Variants in CCDC42 observed in about 807,000 individuals in gnomAD.
The protein encoded by CCDC42 is coiled-coil domain containing 42.
Under a neutral mutation model 40.8 loss-of-function variants are expected in CCDC42, and 38 were observed. That is an observed-to-expected ratio of 0.93 (90% CI 0.72 to 1.22). The LOEUF (loss-of-function observed/expected upper bound fraction) is 1.22. Ranked by LOEUF, CCDC42 falls within the 50% of genes most tolerant of loss-of-function variation. The probability of loss-of-function intolerance (pLI) is 0.00; values close to 1 mark genes in which losing one functional copy is unlikely to be tolerated. For missense variants in CCDC42, 379 were observed against 416.5 expected (o/e 0.91, Z 0.78); for synonymous variants, 135 against 157.5 (o/e 0.86, Z 1.07).
At chr17:8,740,193 G>A (rs2086633464) in intron 4 of CCDC42, among the ~76,000 whole-genome samples, 1 of 152,052 alleles carries the variant, frequency 6.6e-6, no homozygotes, top group South Asian at 2.1e-4. Flanking sequence ...GGGAGGCCCT[G>A]GACATTGCTA....
Position 8,740,643 on chromosome 17 carries a change from C to T in CCDC42, c.492+831G>A, listed in dbSNP as rs2086637417. ...GAGGGAGGTGCCACTGAGTTGAGGGCAGAGGGGGGTTTCCGGGAGGGGCAT... is the reference window on the plus strand; with the variant it reads ...GAGGGAGGTGCCACTGAGTTGAGGGTAGAGGGGGGTTTCCGGGAGGGGCAT... On this transcript the variant is annotated intron_variant, in intron 4 of 6. Transcript: ENST00000293845. Among the ~76,000 whole-genome samples the T allele has an allele frequency of 2.0e-5, 3 of 152,018 alleles. No individual in the cohort carries two copies. The East Asian group carries it at 5.8e-4, about 29-fold the overall frequency.
chr17:8,741,268 C>T (rs1199156706), intron 4 of CCDC42, among the ~76,000 whole-genome samples: 1 of 152,246 alleles, frequency 6.6e-6, no homozygotes, highest in African/African-American at 2.4e-5. Flanking sequence ...TCACCAGAGG[C>T]TTCTTTTAGC....
intron 4 of CCDC42, among the ~76,000 whole-genome samples, chr17:8,739,237 T>C (rs1352435151): frequency 1.3e-5 from 2 of 152,082 alleles, no homozygotes; most frequent in Non-Finnish European, 2.9e-5. Context: ...ATTCCAGAAA[T>C]ACTTCCAAGG....
Position 8,735,674 on chromosome 17 carries a change from C to A in CCDC42, c.493-63G>T. 1.4e-6 allele frequency: 2 copies of A among 1,404,342 alleles called. No homozygotes were observed. The highest frequency in any genetic ancestry group is 1.3e-5 in the South Asian group (1 of 77,396). The allele number at this position is 1,404,342 out of a possible 1,614,324, so 87.0% of individuals were successfully genotyped here. The stretch of plus-strand genomic sequence containing the variant: ...CTGGGGCCTGAGGGAGCCACCCAGT[C>A]CTGCCAACCTCCAGCCTGGATGCCT... On this transcript the variant is annotated intron_variant, in intron 4 of 6. Coordinates refer to ENST00000293845, the MANE Select transcript of CCDC42 (RefSeq NM_144681.3). This position sits in a 1 kb window ranked among gnomAD's most constrained non-coding sequence, Gnocchi z 4.7.
chr17:8,730,246 A>G (rs1203768495), intron 6 of CCDC42, 39 bp from the exon 7 acceptor site: 3 of 1,513,206 alleles, frequency 2.0e-6, no homozygotes, highest in Non-Finnish European at 2.7e-6. Context: ...TCCGCCCCCC[A>G]GAGGCCTCCC....
At chr17:8,736,004 G>A (rs1295908282) in intron 4 of CCDC42, among the ~76,000 whole-genome samples, 1 of 152,204 alleles carries the variant, frequency 6.6e-6, no homozygotes, top group Non-Finnish European at 1.5e-5. Context: ...TCTAGGCACA[G>A]CCAGGGTTGA....
intron 4 of CCDC42, among the ~76,000 whole-genome samples, chr17:8,736,562 A>G (rs1443991882): frequency 6.6e-6 from 1 of 152,162 alleles, no homozygotes; most frequent in East Asian, 1.9e-4. Context: ...CCCAGGGGAA[A>G]CTTCCCGAGC....
At chr17:8,732,178 A>G (rs2086584864) in intron 6 of CCDC42, among the ~76,000 whole-genome samples, 1 of 151,572 alleles carries the variant, frequency 6.6e-6, no homozygotes, top group Admixed American at 6.6e-5. Flanking sequence ...GGGCGCCTGT[A>G]GTCCCAGCTA....
At chr17:8,741,334 C>T in intron 4 of CCDC42, 140 bp downstream of exon 4, 4 of 835,648 alleles carry the variant, frequency 4.8e-6, no homozygotes, top group Non-Finnish European at 7.7e-6. Context: ...GGTGCCCATC[C>T]TGCAGAGCTC....
chr17:8,738,011 G>GC (rs536331059), intron 4 of CCDC42, among the ~76,000 whole-genome samples: 21 of 60,218 alleles, frequency 3.5e-4, no homozygotes, highest in Middle Eastern at 9.4e-3. Flanking sequence ...TTGCAGATTT[G>GC]GGGGGGGTCT....
At chr17:8,739,732 G>T (rs547045844) in intron 4 of CCDC42, among the ~76,000 whole-genome samples, 7 of 152,034 alleles carry the variant, frequency 4.6e-5, no homozygotes, top group Non-Finnish European at 7.4e-5. Context: ...TAGTAGAGAC[G>T]GGGTTTCACC....
At chr17:8,733,859 G>C (rs1214188441) in intron 6 of CCDC42, among the ~76,000 whole-genome samples, 2 of 152,162 alleles carry the variant, frequency 1.3e-5, no homozygotes, top group Admixed American at 1.3e-4. Context: ...TGAGGGGAGG[G>C]GGCCCGAGGA....
Position 8,731,759 on chromosome 17 carries a change from G to A in CCDC42, c.874-1552C>T, listed in dbSNP as rs370646465. ...ATACTGGGATCTGCTTGAGGGTGGA[G>A]AGTGGGAGGAGGGAGAGGATCAGAA... On this transcript the variant is annotated intron_variant, in intron 6 of 6. Coordinates refer to ENST00000293845, the MANE Select transcript of CCDC42 (RefSeq NM_144681.3). Among the ~76,000 whole-genome samples, 3 of 152,174 alleles carry A rather than the reference G, an allele frequency of 2.0e-5. No homozygotes were observed. In the East Asian group the frequency reaches 5.8e-4, roughly 29 times the overall value.
chr17:8,739,754 A>G (rs1286407358), intron 4 of CCDC42, among the ~76,000 whole-genome samples: 1 of 152,196 alleles, frequency 6.6e-6, no homozygotes, highest in South Asian at 2.1e-4. Flanking sequence ...TGTTGGCCAC[A>G]CTGGTGTTGA....
At chr17:8,731,712 G>C (rs2086581270) in intron 6 of CCDC42, among the ~76,000 whole-genome samples, 1 of 152,194 alleles carries the variant, frequency 6.6e-6, no homozygotes, top group South Asian at 2.1e-4. Context: ...AGAACACGTG[G>C]ACACAAAGAG....
At chr17:8,731,245 T>C (rs1226306386) in intron 6 of CCDC42, among the ~76,000 whole-genome samples, 1 of 152,066 alleles carries the variant, frequency 6.6e-6, no homozygotes, top group African/African-American at 2.4e-5. Context: ...TATTAAAAAG[T>C]CAAAAAGTTA....
At chr17:8,732,167 C>T (rs546427810) in intron 6 of CCDC42, among the ~76,000 whole-genome samples, 58 of 151,782 alleles carry the variant, frequency 3.8e-4, no homozygotes, top group African/African-American at 1.2e-3. Flanking sequence ...GGCGTAGTGG[C>T]GGGCGCCTGT....
chr17:8,733,641 C>T (rs1377129949), intron 6 of CCDC42, among the ~76,000 whole-genome samples: 1 of 152,204 alleles, frequency 6.6e-6, no homozygotes, highest in Non-Finnish European at 1.5e-5. Context: ...CAGGTGCCTG[C>T]CACCATGCCC....
At position 8,744,527 on chromosome 17, in the gene CCDC42, T is replaced by G. The variant is rs1256648680; in HGVS notation, c.83A>C (p.Gln28Pro). The change falls in exon 1 of 7, where the codon CAG becomes CCG. Residue 28 changes from glutamine to proline, a missense_variant and splice_region_variant. By Grantham distance (76) the Gln-to-Pro change is moderately conservative (BLOSUM62 -1). Coordinates refer to ENST00000293845, the MANE Select transcript of CCDC42 (RefSeq NM_144681.3). ...GGCAAGCCAGGCCTCAGACACTCAC[T>G]GGAGCATCTGCAGCAGCCGCTCCCC... Reference protein sequence around the residue: ...QYGERLLQMLQKLPNVEGASE... With the variant: ...QYGERLLQMLPKLPNVEGASE... The G allele has an allele frequency of 1.2e-6, 2 of 1,609,704 alleles. No individual in the cohort carries two copies. The highest frequency in any genetic ancestry group is 4.5e-5 in the East Asian group (2 of 44,874).
Sources: gnomAD v4.1 joint callset for allele counts (sites outside exome capture counted in the v4.1 genomes callset) on GRCh38, gnomAD v4.1.1 for gene constraint, Gnocchi (gnomAD v3.1) non-coding constraint, MANE v1.5 for transcripts, NCBI Gene and HGNC (gene_info 2026-07-23, HGNC 2026-07-21) for gene names.